CYP39A1: variants seen among roughly 807,000 people sequenced by gnomAD.
The protein encoded by CYP39A1 is 24-hydroxycholesterol 7-alpha-hydroxylase.
Under a neutral mutation model 58.1 loss-of-function variants are expected in CYP39A1, and 49 were observed. The observed-to-expected ratio is 0.84, with a 90% CI of 0.67 to 1.07. CYP39A1 has a LOEUF of 1.07. CYP39A1 is among the 50% of genes least tolerant of loss of function. The probability of loss-of-function intolerance (pLI) is 0.00; values close to 1 mark genes in which losing one functional copy is unlikely to be tolerated. For synonymous variants in CYP39A1, 209 were observed against 187.6 expected (o/e 1.11, Z -0.93); for missense variants, 531 against 539.4 (o/e 0.98, Z 0.16).
intron 10 of CYP39A1, among the ~76,000 whole-genome samples, chr6:46,559,192 T>C (rs1366646011): frequency 6.6e-6 from 1 of 152,106 alleles, no homozygotes; most frequent in East Asian, 1.9e-4. Context: ...AGGACAACCA[T>C]GGACAGTCCT....
intron 10 of CYP39A1, among the ~76,000 whole-genome samples, chr6:46,562,257 A>G (rs1317633608): frequency 6.6e-6 from 1 of 151,932 alleles, no homozygotes; most frequent in African/African-American, 2.4e-5. Flanking sequence ...TCCTGACCTC[A>G]GGTGATCCAC....
At chr6:46,634,952 T>C (rs1235865600) in intron 5 of CYP39A1, among the ~76,000 whole-genome samples, 2 of 152,216 alleles carry the variant, frequency 1.3e-5, no homozygotes, top group South Asian at 2.1e-4. Flanking sequence ...GCAAAGAACA[T>C]GTGTGTTTGT....
In CYP39A1 at chr6:46,587,160, A is replaced by G. The variant is rs773028550; in HGVS notation, c.1167T>C (p.Arg389=). 2.5e-6 allele frequency: 4 copies of G among 1,607,490 alleles called. No individual in the cohort carries two copies. Among genetic ancestry groups the G allele is most frequent in the African/African-American group, 2.7e-5 (2 of 74,904 alleles). The stretch of plus-strand genomic sequence containing the variant: ...GCTTCTCTAAATTTGCCTTTTTCCA[A>G]CGTTCCTGTGGGAAGAAAACATTTT... ...FPEPELFKPE[R]WKKANLEKHS... Residue 389 remains arginine, a synonymous_variant, in exon 10 of 12, where the codon CGT becomes CGC. Transcript: ENST00000275016.
chr6:46,631,413 G>A (rs1775654414), intron 5 of CYP39A1, among the ~76,000 whole-genome samples: 3 of 152,154 alleles, frequency 2.0e-5, no homozygotes, highest in Admixed American at 6.5e-5. Flanking sequence ...ATTGTTGTGA[G>A]AATTAAATGA....
intron 10 of CYP39A1, among the ~76,000 whole-genome samples, chr6:46,580,909 A>C (rs1399184810): frequency 6.6e-6 from 1 of 152,188 alleles, no homozygotes; most frequent in African/African-American, 2.4e-5. Flanking sequence ...TGAGAATGTA[A>C]AATAGTTCGG....
chr6:46,618,488 C>G (rs942991086), intron 7 of CYP39A1, among the ~76,000 whole-genome samples: 1 of 152,040 alleles, frequency 6.6e-6, no homozygotes, highest in Non-Finnish European at 1.5e-5. Flanking sequence ...TATTCTTTAT[C>G]AGATCATCAA....
At chr6:46,564,232 C>T (rs1217188851) in intron 10 of CYP39A1, among the ~76,000 whole-genome samples, 2 of 149,950 alleles carry the variant, frequency 1.3e-5, no homozygotes, top group African/African-American at 2.5e-5. Flanking sequence ...CCCTCTGTTG[C>T]CCAGGCTGAA....
intron 7 of CYP39A1, among the ~76,000 whole-genome samples, chr6:46,601,211 T>C (rs1773474809): frequency 6.6e-6 from 1 of 152,158 alleles, no homozygotes; most frequent in African/African-American, 2.4e-5. Flanking sequence ...AAATTTGTTT[T>C]TATTTGCAAA....
intron 10 of CYP39A1, among the ~76,000 whole-genome samples, chr6:46,556,958 G>A (rs959406382): frequency 6.6e-6 from 1 of 151,912 alleles, no homozygotes; most frequent in Admixed American, 6.6e-5. Flanking sequence ...TACTCCACAG[G>A]TTCATAAAGG....
chr6:46,592,548 T>C (rs1296135281), intron 8 of CYP39A1, among the ~76,000 whole-genome samples: 1 of 152,198 alleles, frequency 6.6e-6, no homozygotes, highest in Non-Finnish European at 1.5e-5. Context: ...AGTGAAAAAT[T>C]GGAAGCCACA....
chr6:46,557,814 G>T (rs1770734089), intron 10 of CYP39A1, among the ~76,000 whole-genome samples: 1 of 150,682 alleles, frequency 6.6e-6, no homozygotes, highest in South Asian at 2.1e-4. Flanking sequence ...GTGGGTGCCT[G>T]TAATCCCAGC....
intron 5 of CYP39A1, among the ~76,000 whole-genome samples, chr6:46,633,940 C>T (rs548591785): frequency 8.5e-5 from 13 of 152,216 alleles, no homozygotes; most frequent in African/African-American, 2.4e-4. Flanking sequence ...AAAACAGAGA[C>T]GCAATACATA....
chr6:46,603,724 G>C (rs184083353), intron 7 of CYP39A1, among the ~76,000 whole-genome samples: 259 of 152,284 alleles, frequency 1.7e-3, no homozygotes, highest in African/African-American at 5.5e-3. Flanking sequence ...GTCTATGGCT[G>C]TTTTCACACT....
chr6:46,642,916 T>G (rs1344620450), intron 1 of CYP39A1, among the ~76,000 whole-genome samples: 2 of 152,176 alleles, frequency 1.3e-5, no homozygotes, highest in African/African-American at 2.4e-5. Context: ...GTATATACAT[T>G]TGCACCCATT....
At chr6:46,558,733 C>A (rs774227980) in intron 10 of CYP39A1, among the ~76,000 whole-genome samples, 1 of 152,132 alleles carries the variant, frequency 6.6e-6, no homozygotes, top group Non-Finnish European at 1.5e-5. Context: ...CACGGTGGCT[C>A]ATGCCTATAA....
At chr6:46,650,534 C>T (rs1253461906) in intron 1 of CYP39A1, among the ~76,000 whole-genome samples, 4 of 107,730 alleles carry the variant, frequency 3.7e-5, no homozygotes, top group Non-Finnish European at 5.1e-5. Flanking sequence ...GACAAGGTCT[C>T]GCTCTGTTGC....
chr6:46,587,256 T>G, intron 9 of CYP39A1, 91 bp from the exon 10 acceptor site: 1 of 828,966 alleles, frequency 1.2e-6, no homozygotes, highest in Non-Finnish European at 2.0e-6. Context: ...CTTGTACAGC[T>G]AATCCTTGCA....
rs771986688 is a variant in CYP39A1 at position 46,588,126 on chromosome 6, A to G, written c.1069T>C (p.Tyr357His). 4.1e-5 allele frequency: 65 copies of G among 1,575,874 alleles called. No individual in the cohort carries two copies. Among genetic ancestry groups the G allele is most frequent in the Non-Finnish European group, 5.2e-5 (60 of 1,158,734 alleles). Residue 357 changes from tyrosine (Y) to histidine (H), a missense_variant, in exon 9 of 12, where the codon TAC (tyrosine) becomes CAC (histidine). Physicochemically the swap from Tyr to His is moderately conservative, Grantham distance 83 (BLOSUM62 2). Coordinates refer to ENST00000275016, the MANE Select transcript of CYP39A1 (RefSeq NM_016593.5). ...AACAAGTCACCAGAAGGAATGATGT[A>G]ATTCTATAACAGAAAAATCAGCTGC... is the stretch of plus-strand genomic sequence containing the variant. ...KVVKPVEILN[Y>H]IIPSGDLLML...
intron 5 of CYP39A1, among the ~76,000 whole-genome samples, chr6:46,633,576 C>T (rs533458138): frequency 1.3e-5 from 2 of 152,010 alleles, no homozygotes; most frequent in South Asian, 2.1e-4. Context: ...AACATTAGCT[C>T]GGCCAGGCAC....
Sources: allele counts gnomAD v4.1 joint callset (sites outside exome capture counted in the v4.1 genomes callset), GRCh38; gene constraint gnomAD v4.1.1; transcripts MANE v1.5; gene names NCBI Gene and HGNC (gene_info 2026-07-23, HGNC 2026-07-21).